The following RBFOX1 variants were observed in gnomAD, a reference collection of about 807,000 sequenced individuals.
RBFOX1 encodes the protein RNA binding protein fox-1 homolog 1.
Under a neutral mutation model 57.7 loss-of-function variants are expected in RBFOX1, and 8 were observed. The ratio of observed to expected loss-of-function variants is 0.14; its 90% CI spans 0.08 to 0.25. RBFOX1 has a LOEUF of 0.25. RBFOX1 is among the 10% of genes least tolerant of loss of function. The pLI is 1.00. For synonymous variants in RBFOX1, 326 were observed against 222.4 expected (o/e 1.47, Z -4.15); for missense variants, 611 against 548.5 (o/e 1.11, Z -1.14).
intron 3 of RBFOX1, among the ~76,000 whole-genome samples, chr16:6,774,367 C>G (rs183774584): frequency 1.3e-5 from 2 of 152,264 alleles, no homozygotes; most frequent in African/African-American, 2.4e-5. Context: ...CAAGTCTACA[C>G]AGGCATAACA....
chr16:5,859,715 C>G (rs1373248195), intron 3 of RBFOX1, among the ~76,000 whole-genome samples: 1 of 152,192 alleles, frequency 6.6e-6, no homozygotes, highest in Non-Finnish European at 1.5e-5. Context: ...TTACAGCAGT[C>G]TTATAAAATG....
intron 4 of RBFOX1, among the ~76,000 whole-genome samples, chr16:7,083,700 C>T (rs530139887): frequency 2.4e-4 from 37 of 152,322 alleles, no homozygotes; most frequent in African/African-American, 8.9e-4. Context: ...TCACTTTCAG[C>T]TATTTCACTC....
intron 4 of RBFOX1, among the ~76,000 whole-genome samples, chr16:7,486,580 G>A (rs752854147): frequency 6.6e-6 from 1 of 152,148 alleles, no homozygotes; most frequent in Non-Finnish European, 1.5e-5. Context: ...TGAGGATTCA[G>A]GGGAAGGCGA....
intron 4 of RBFOX1, among the ~76,000 whole-genome samples, chr16:7,219,654 A>G (rs1603312541): frequency 6.6e-6 from 1 of 152,178 alleles, no homozygotes; most frequent in African/African-American, 2.4e-5. Flanking sequence ...TCAAACTCGG[A>G]GTAAAACTGG....
At chr16:6,096,078 C>T (rs533101256) in intron 1 of RBFOX1, among the ~76,000 whole-genome samples, 8 of 152,314 alleles carry the variant, frequency 5.3e-5, no homozygotes, top group African/African-American at 1.4e-4. Context: ...CCTTTGACTC[C>T]GTGTTGCCAT....
chr16:6,843,620 T>C (rs1040495213), intron 3 of RBFOX1, among the ~76,000 whole-genome samples: 1 of 151,972 alleles, frequency 6.6e-6, no homozygotes, highest in South Asian at 2.1e-4. Context: ...ACCCAGGAGG[T>C]GGAGCTTGCA....
chr16:6,646,728 A>T (rs536542623), intron 2 of RBFOX1, among the ~76,000 whole-genome samples: 1 of 152,272 alleles, frequency 6.6e-6, no homozygotes, highest in Admixed American at 6.5e-5. Context: ...GTTTAAAAGT[A>T]ATCTGTGATT....
chr16:5,341,685 G>A (rs984769509), intron 1 of RBFOX1, among the ~76,000 whole-genome samples: 4 of 152,186 alleles, frequency 2.6e-5, no homozygotes, highest in African/African-American at 9.7e-5. Context: ...TAGGGTGAGG[G>A]CATCTTCATT....
At chr16:7,691,817 C>T (rs2077406126) in intron 14 of RBFOX1, among the ~76,000 whole-genome samples, 1 of 152,136 alleles carries the variant, frequency 6.6e-6, no homozygotes. Context: ...CCCCACCCTC[C>T]TGCCATAGAT....
intron 1 of RBFOX1, among the ~76,000 whole-genome samples, chr16:6,273,721 A>T (rs940965772): frequency 6.6e-5 from 10 of 152,116 alleles, no homozygotes; most frequent in South Asian, 2.1e-4. Context: ...CATCAAAAAA[A>T]TTTTTTAAAT....
chr16:5,980,101 C>T (rs1033507026), intron 4 of RBFOX1, among the ~76,000 whole-genome samples: 1 of 152,192 alleles, frequency 6.6e-6, no homozygotes, highest in Non-Finnish European at 1.5e-5. Context: ...TCCTTTCTGC[C>T]AGCAGCCTTT....
At chr16:6,112,532 A>C (rs546204773) in intron 1 of RBFOX1, among the ~76,000 whole-genome samples, 101 of 152,244 alleles carry the variant, frequency 6.6e-4, no homozygotes, top group Non-Finnish European at 1.1e-3. Context: ...CTCTACTAAA[A>C]ATACAAAAGT....
chr16:7,325,677 G>A (rs960110422), intron 4 of RBFOX1, among the ~76,000 whole-genome samples: 1 of 152,082 alleles, frequency 6.6e-6, no homozygotes, highest in Non-Finnish European at 1.5e-5. Flanking sequence ...TTGGTTGATG[G>A]TCTGGTGTAT....
chr16:6,789,572 C>T (rs371802440), intron 3 of RBFOX1, among the ~76,000 whole-genome samples: 1 of 152,124 alleles, frequency 6.6e-6, no homozygotes, highest in Non-Finnish European at 1.5e-5. Context: ...TTTTCTGTAT[C>T]CATAGACAGT....
chr16:5,674,248 A>C (rs562977900), intron 3 of RBFOX1, among the ~76,000 whole-genome samples: 1 of 152,224 alleles, frequency 6.6e-6, no homozygotes, highest in Non-Finnish European at 1.5e-5. Flanking sequence ...TTTTAAAGCA[A>C]TTGAATTTAA....
intron 2 of RBFOX1, among the ~76,000 whole-genome samples, chr16:6,461,464 T>C (rs1459921612): frequency 6.6e-6 from 1 of 152,226 alleles, no homozygotes; most frequent in Non-Finnish European, 1.5e-5. Context: ...TTTATTTAAC[T>C]ATATTCCCAT....
intron 4 of RBFOX1, among the ~76,000 whole-genome samples, chr16:7,491,943 C>G (rs2067104752): frequency 6.6e-6 from 1 of 152,112 alleles, no homozygotes; most frequent in Non-Finnish European, 1.5e-5. Flanking sequence ...CCTTTTTTGT[C>G]ATTCTGAATA....
intron 4 of RBFOX1, among the ~76,000 whole-genome samples, chr16:7,278,109 G>A (rs2095475071): frequency 6.6e-6 from 1 of 152,088 alleles, no homozygotes; most frequent in South Asian, 2.1e-4. Context: ...ATCCATAGTG[G>A]TATTTGGCTC....
At chr16:6,751,642 G>T (rs2074946799) in intron 3 of RBFOX1, among the ~76,000 whole-genome samples, 1 of 152,144 alleles carries the variant, frequency 6.6e-6, no homozygotes, top group Admixed American at 6.6e-5. Context: ...GTCAAAGGAA[G>T]CCAGTAACAT....
Sources: gnomAD v4.1 joint callset for allele counts (sites outside exome capture counted in the v4.1 genomes callset) on GRCh38, gnomAD v4.1.1 for gene constraint, MANE v1.5 for transcripts, NCBI Gene and HGNC (gene_info 2026-07-23, HGNC 2026-07-21) for gene names.